Variants in ABI2 observed in about 807,000 individuals in gnomAD.
ABI2 encodes abl interactor 2, also known as abelson interactor 2.
Under a neutral mutation model 59.2 loss-of-function variants are expected in ABI2, and 25 were observed. The observed-to-expected ratio is 0.42, with a 90% CI of 0.31 to 0.59. ABI2 has a LOEUF of 0.59. Ranked by LOEUF, ABI2 falls within the 20% of genes least tolerant of loss-of-function variation. The probability of loss-of-function intolerance (pLI) is 0.14; values close to 1 mark genes in which losing one functional copy is unlikely to be tolerated. For missense variants in ABI2, 545 were observed against 681.8 expected (o/e 0.80, Z 2.23); for synonymous variants, 213 against 235.5 (o/e 0.90, Z 0.87).
chr2:203,387,149 A>G (rs1464560711), intron 4 of ABI2, among the ~76,000 whole-genome samples: 1 of 150,414 alleles, frequency 6.6e-6, no homozygotes, highest in Non-Finnish European at 1.5e-5. Context: ...ACCACACATA[A>G]CATTTTAGGA....
chr2:203,394,196 G>A (rs1483681531), intron 5 of ABI2: 1 of 152,358 alleles, frequency 6.6e-6, no homozygotes, highest in Non-Finnish European at 1.5e-5. Context: ...TGTATATTTG[G>A]TATATAGAAA....
intron 11 of ABI2, among the ~76,000 whole-genome samples, chr2:203,418,606 C>G (rs1252890515): frequency 6.6e-6 from 1 of 152,214 alleles, no homozygotes; most frequent in Non-Finnish European, 1.5e-5. Flanking sequence ...AATGAACAAG[C>G]AAGAAGCGCC....
intron 1 of ABI2, among the ~76,000 whole-genome samples, chr2:203,337,258 C>T (rs1431275011): frequency 6.6e-6 from 1 of 152,144 alleles, no homozygotes; most frequent in African/African-American, 2.4e-5. Context: ...CTAAAGACTC[C>T]ACCAAAAGAC....
intron 1 of ABI2, among the ~76,000 whole-genome samples, chr2:203,354,806 C>G (rs1458515568): frequency 6.6e-6 from 1 of 152,170 alleles, no homozygotes; most frequent in African/African-American, 2.4e-5. Flanking sequence ...TGTAAACATG[C>G]CTGCCCTTTG....
intron 1 of ABI2, among the ~76,000 whole-genome samples, chr2:203,336,253 G>T (rs1378771979): frequency 4.6e-5 from 7 of 152,196 alleles, no homozygotes; most frequent in African/African-American, 1.7e-4. Context: ...GAATATGGCT[G>T]TAAACATTTG....
At chr2:203,340,284 T>C (rs1348163905) in intron 1 of ABI2, among the ~76,000 whole-genome samples, 4 of 152,298 alleles carry the variant, frequency 2.6e-5, no homozygotes, top group East Asian at 1.9e-4. Context: ...CTTGTAGTTA[T>C]AGGATGAATG....
intron 1 of ABI2, among the ~76,000 whole-genome samples, chr2:203,364,438 C>T (rs772910093): frequency 6.6e-6 from 1 of 152,140 alleles, no homozygotes; most frequent in Non-Finnish European, 1.5e-5. Context: ...CCCGGGTCTC[C>T]TGTGTGAAAG....
chr2:203,332,550 G>A (rs2152322693), intron 1 of ABI2, among the ~76,000 whole-genome samples: 1 of 152,228 alleles, frequency 6.6e-6, no homozygotes, highest in African/African-American at 2.4e-5. Flanking sequence ...ACTTGAACCT[G>A]GGAAGCGGAG....
chr2:203,362,729 G>C (rs2093691896), intron 1 of ABI2, among the ~76,000 whole-genome samples: 1 of 151,900 alleles, frequency 6.6e-6, no homozygotes, highest in South Asian at 2.1e-4. Context: ...GTTTCTCCAT[G>C]TCGGGCAGGC....
intron 11 of ABI2, among the ~76,000 whole-genome samples, chr2:203,425,883 G>A (rs1193630597): frequency 3.3e-5 from 5 of 151,866 alleles, no homozygotes; most frequent in South Asian, 4.2e-4. Context: ...TTAGCTGTGC[G>A]TGGTGGTGGG....
At chr2:203,331,067 ATTTC>A (rs1435450219) in intron 1 of ABI2, among the ~76,000 whole-genome samples, 1 of 152,118 alleles carries the variant, frequency 6.6e-6, no homozygotes, top group African/African-American at 2.4e-5. Flanking sequence ...AAAATAGTTT[ATTTC>A]TTCAGTTTAG....
chr2:203,424,539 C>T (rs904692752), intron 11 of ABI2, among the ~76,000 whole-genome samples: 7 of 152,098 alleles, frequency 4.6e-5, no homozygotes, highest in African/African-American at 1.7e-4. Flanking sequence ...GGACCACAGA[C>T]GTGCACCACC....
intron 1 of ABI2, among the ~76,000 whole-genome samples, chr2:203,361,877 A>C (rs147883791): frequency 2.0e-5 from 3 of 152,278 alleles, no homozygotes; most frequent in African/African-American, 7.2e-5. Context: ...CAGGAATCGA[A>C]ATTTTGAGTG....
intron 1 of ABI2, among the ~76,000 whole-genome samples, chr2:203,347,175 T>C (rs1052663412): frequency 1.3e-5 from 2 of 152,178 alleles, no homozygotes; most frequent in African/African-American, 4.8e-5. Context: ...AGTGATCATA[T>C]AGAAAGCAAG....
At chr2:203,392,399 G>A (rs745642610) in intron 5 of ABI2, among the ~76,000 whole-genome samples, 12 of 149,218 alleles carry the variant, frequency 8.0e-5, no homozygotes, top group South Asian at 2.1e-4. Context: ...AATCAGGATA[G>A]GACCAAATGA....
At chr2:203,339,422 A>AT (rs2078540887) in intron 1 of ABI2, among the ~76,000 whole-genome samples, 1 of 151,770 alleles carries the variant, frequency 6.6e-6, no homozygotes, top group Non-Finnish European at 1.5e-5. Flanking sequence ...TCTCCTAAAA[A>AT]TAAAAAAATT....
intron 9 of ABI2, among the ~76,000 whole-genome samples, chr2:203,407,952 C>T (rs1047400778): frequency 3.9e-5 from 6 of 151,992 alleles, no homozygotes; most frequent in South Asian, 2.1e-4. Flanking sequence ...TTACAAGGTC[C>T]GAAAAGAAAA....
chr2:203,380,471 C>A, intron 3 of ABI2, 87 bp downstream of exon 3: 1 of 857,832 alleles, frequency 1.2e-6, no homozygotes, highest in Non-Finnish European at 1.7e-6. Context: ...ATCTGTCTTT[C>A]TTTCCTAGAG....
chr2:203,384,307 T>TTTTTTG (rs2096349326), intron 4 of ABI2, among the ~76,000 whole-genome samples: 5 of 115,490 alleles, frequency 4.3e-5, no homozygotes, highest in African/African-American at 1.5e-4. Context: ...TTTTTTTTTT[T>TTTTTTG]TTTTTTTTTT....
Sources: gnomAD v4.1 joint callset for allele counts (sites outside exome capture counted in the v4.1 genomes callset) on GRCh38, gnomAD v4.1.1 for gene constraint, MANE v1.5 for transcripts, NCBI Gene and HGNC (gene_info 2026-07-23, HGNC 2026-07-21) for gene names.